RAMP3: variants seen among roughly 807,000 people sequenced by gnomAD.
The protein encoded by RAMP3 is receptor activity modifying protein 3, also known as receptor activity-modifying protein 3.
RAMP3 carries 14 observed loss-of-function variants against 13.5 expected under a neutral mutation model. That is an observed-to-expected ratio of 1.04 (90% CI 0.69 to 1.63). RAMP3 has a LOEUF of 1.63. RAMP3 is among the 40% of genes most tolerant of loss of function. RAMP3 has a pLI of 0.00. For missense variants in RAMP3, 200 were observed against 204.8 expected (o/e 0.98, Z 0.14); for synonymous variants, 106 against 88.3 (o/e 1.20, Z -1.12).
At position 45,183,489 on chromosome 7, in the gene RAMP3, G is replaced by C; in HGVS notation, c.*77G>C. On this transcript the variant is annotated 3_prime_UTR_variant, in exon 3 of 3. Transcript: ENST00000242249. ...CCTGGGGATGGGAGAGCGGGTGGGT[G>C]CTGCCAATCTCCAGCTACTGTGGCC... 6.4e-7 allele frequency: 1 copy of C among 1,567,456 alleles called. No individual in the cohort carries two copies.
intron 1 of RAMP3, among the ~76,000 whole-genome samples, chr7:45,166,000 C>CA: frequency 6.6e-6 from 1 of 152,180 alleles, no homozygotes; most frequent in Non-Finnish European, 1.5e-5. Flanking sequence ...ATGTAAAAAT[C>CA]TGTGTGTGAA....
At chr7:45,160,189 G>A (rs770220487) in intron 1 of RAMP3, among the ~76,000 whole-genome samples, 49 of 151,638 alleles carry the variant, frequency 3.2e-4, no homozygotes, top group Non-Finnish European at 5.6e-4. Flanking sequence ...AATATTAGCC[G>A]GGTGTGGTGG....
At chr7:45,171,926 A>G (rs1786091325) in intron 1 of RAMP3, among the ~76,000 whole-genome samples, 1 of 152,212 alleles carries the variant, frequency 6.6e-6, no homozygotes, top group South Asian at 2.1e-4. Flanking sequence ...GGGGGATAGG[A>G]CAATGGCCTG....
At chr7:45,181,301 C>A (rs1786307469) in intron 2 of RAMP3, among the ~76,000 whole-genome samples, 1 of 152,336 alleles carries the variant, frequency 6.6e-6, no homozygotes, top group South Asian at 2.1e-4. Flanking sequence ...ACCTCTGCTC[C>A]GTGGGCTTCT....
chr7:45,180,212 G>A (rs982704702), intron 2 of RAMP3, among the ~76,000 whole-genome samples: 15 of 152,228 alleles, frequency 9.9e-5, no homozygotes, highest in Non-Finnish European at 1.3e-4. Context: ...CAGGGAGGGC[G>A]GTGCCCCAGC....
chr7:45,176,191 G>A (rs956128445), intron 1 of RAMP3, among the ~76,000 whole-genome samples: 9 of 152,182 alleles, frequency 5.9e-5, no homozygotes, highest in African/African-American at 2.2e-4. Flanking sequence ...CTGAGGTTGA[G>A]CTGGTAACCA....
In RAMP3 at chr7:45,183,756, G is replaced by C. The variant is rs966471432; in HGVS notation, c.*344G>C. On this transcript the variant is annotated 3_prime_UTR_variant, in exon 3 of 3. Coordinates refer to ENST00000242249, the MANE Select transcript of RAMP3 (RefSeq NM_005856.3). ...CCGCAGGTTTCTATGCTGTTTCTTA[G>C]CACAGAATCCAGCCTAGCCTTAGCC... 2.3e-4 allele frequency: 126 copies of C among 556,778 alleles called. 2 individuals are homozygous for C. In the East Asian group the frequency reaches 3.6e-3, roughly 16 times the overall value. The allele number at this position is 556,778 out of a possible 1,614,324, so 34.5% of individuals were successfully genotyped here.
chr7:45,161,230 C>G (rs903110502), intron 1 of RAMP3, among the ~76,000 whole-genome samples: 1 of 151,798 alleles, frequency 6.6e-6, no homozygotes, highest in East Asian at 1.9e-4. Context: ...TCAGGGACCC[C>G]TCCTTCTCTT....
In RAMP3 at chr7:45,184,089, G is replaced by A. The variant is rs1463719026; in HGVS notation, c.*677G>A. On this transcript the variant is annotated 3_prime_UTR_variant, in exon 3 of 3. Transcript: ENST00000242249. ...CAGAGGCTGGAGTGGGGGTGTGTTA[G>A]AGCCCCTCACCGGGACTTGCTGTGC... is the stretch of plus-strand genomic sequence containing the variant. 7 of 400,160 alleles carry A rather than the reference G, an allele frequency of 1.7e-5. No homozygotes were observed. Among genetic ancestry groups the A allele is most frequent in the Non-Finnish European group, 2.6e-5 (6 of 227,244 alleles). The allele number at this position is 400,160 out of a possible 1,614,324, so 24.8% of individuals were successfully genotyped here.
intron 1 of RAMP3, among the ~76,000 whole-genome samples, chr7:45,174,565 A>G (rs1229712332): frequency 6.6e-6 from 1 of 152,024 alleles, no homozygotes; most frequent in Non-Finnish European, 1.5e-5. Flanking sequence ...ATCCCCCTAT[A>G]GCCACTGCAC....
intron 2 of RAMP3, among the ~76,000 whole-genome samples, chr7:45,180,598 A>G (rs1361602974): frequency 6.6e-6 from 1 of 152,238 alleles, no homozygotes; most frequent in Non-Finnish European, 1.5e-5. Flanking sequence ...ACCTCCCTCC[A>G]ATAGCAGCAA....
intron 2 of RAMP3, among the ~76,000 whole-genome samples, chr7:45,182,421 T>C (rs1252917173): frequency 6.6e-6 from 1 of 152,110 alleles, no homozygotes; most frequent in Admixed American, 6.5e-5. Flanking sequence ...AAGTCCTTTA[T>C]GCTGAGTTGA....
chr7:45,173,500 A>G (rs1413819360), intron 1 of RAMP3, among the ~76,000 whole-genome samples: 2 of 152,210 alleles, frequency 1.3e-5, no homozygotes, highest in Non-Finnish European at 2.9e-5. Context: ...AAGGAAGGAC[A>G]CATGCCTTGA....
intron 1 of RAMP3, among the ~76,000 whole-genome samples, chr7:45,168,726 A>T (rs983600430): frequency 6.6e-6 from 1 of 152,120 alleles, no homozygotes; most frequent in African/African-American, 2.4e-5. Flanking sequence ...TGTGATAGAG[A>T]TAGTTTTACT....
At chr7:45,177,161 G>GAA in intron 1 of RAMP3, 148 bp from the exon 2 acceptor site, 5 of 966,062 alleles carry the variant, frequency 5.2e-6, no homozygotes, top group Non-Finnish European at 7.6e-6. Context: ...AGGTCAGGGT[G>GAA]GAGGGTGAAG....
intron 1 of RAMP3, among the ~76,000 whole-genome samples, chr7:45,164,792 G>A (rs1490878372): frequency 6.6e-6 from 1 of 152,126 alleles, no homozygotes; most frequent in African/African-American, 2.4e-5. Context: ...TTTGATTAGT[G>A]GTAGCAAGAT....
intron 2 of RAMP3, among the ~76,000 whole-genome samples, chr7:45,182,165 G>C (rs901994373): frequency 6.6e-6 from 1 of 152,236 alleles, no homozygotes; most frequent in Non-Finnish European, 1.5e-5. Context: ...GCGGGAAGGA[G>C]GAGATGGGCT....
At chr7:45,161,693 G>A (rs1562951430) in intron 1 of RAMP3, among the ~76,000 whole-genome samples, 1 of 151,684 alleles carries the variant, frequency 6.6e-6, no homozygotes, top group Non-Finnish European at 1.5e-5. Flanking sequence ...GAAGGAGGGG[G>A]AGGCAGAGGA....
At position 45,171,274 on chromosome 7, in the gene RAMP3, G is replaced by A. The variant is rs368954531; in HGVS notation, c.59-6035G>A. 3.9e-5 allele frequency among the ~76,000 whole-genome samples: 6 copies of A among 151,902 alleles called. No homozygotes were observed. In the East Asian group the frequency reaches 9.7e-4, roughly 25 times the overall value. ...GGGTTCAAGCGATTCTCCTGCCTCA[G>A]CCTCCTGAGTAGCTGGGTCTACAGG... On this transcript the variant is annotated intron_variant, in intron 1 of 2. Transcript: ENST00000242249.
Sources: allele counts gnomAD v4.1 joint callset (sites outside exome capture counted in the v4.1 genomes callset), GRCh38; gene constraint gnomAD v4.1.1; transcripts MANE v1.5; gene names NCBI Gene and HGNC (gene_info 2026-07-23, HGNC 2026-07-21).